The following PLA2G2A variants were observed in gnomAD, a reference collection of about 807,000 sequenced individuals.
The protein encoded by PLA2G2A is phospholipase A2, membrane associated.
Under a neutral mutation model 11.2 loss-of-function variants are expected in PLA2G2A, and 6 were observed. That is an observed-to-expected ratio of 0.54 (90% CI 0.29 to 1.06). The LOEUF (loss-of-function observed/expected upper bound fraction) is 1.06, where lower values mean the gene tolerates loss of function less well. Among genes scored for constraint, PLA2G2A ranks in the 50% least tolerant of loss-of-function variants. PLA2G2A has a pLI of 0.08. For synonymous variants in PLA2G2A, 69 were observed against 65.8 expected, an observed-to-expected ratio of 1.05 and a Z score of -0.23; for missense variants, 133 against 177.1, an observed-to-expected ratio of 0.75 and a Z score of 1.41.
At chr1:19,978,952 C>T (rs551429973) in intron 1 of PLA2G2A, 73 bp from the exon 2 acceptor site, 19 of 655,354 alleles carry the variant, frequency 2.9e-5, no homozygotes, top group South Asian at 2.9e-4. Context: ...TCAGAGCACA[C>T]AAGGAGTGCC....
At chr1:19,979,193 G>A (rs765000894) in intron 1 of PLA2G2A, 1 of 242,084 alleles carries the variant, frequency 4.1e-6, no homozygotes, top group Admixed American at 4.7e-5. Context: ...TGTGTCCCTC[G>A]CTAGACATAG....
chr1:19,977,137 A>G (rs1203142798), intron 4 of PLA2G2A, among the ~76,000 whole-genome samples: 1 of 152,076 alleles, frequency 6.6e-6, no homozygotes, highest in Non-Finnish European at 1.5e-5. Context: ...CTGCATTTGT[A>G]TAGACAGCTG....
upstream of PLA2G2A, chr1:19,979,799 A>T (rs2046276889): frequency 6.6e-6 from 1 of 152,230 alleles, no homozygotes. Context: ...AGGATTGGGA[A>T]ACCTTACGTG....
In PLA2G2A at chr1:19,975,789, G is replaced by A. The variant is rs1464507069; in HGVS notation, c.347C>T (p.Thr116Ile). ...GGTCGTCTTGTTTCTAGCAAAACAG[G>A]TGGCAGCAGCCTTATCACACTCACA... The change falls in exon 5 of 5, where the codon ACC becomes ATC. Residue 116 changes from threonine to isoleucine, a missense_variant. Physicochemically the swap from Thr to Ile is moderately conservative, Grantham distance 89. Transcript: ENST00000482011. The A allele has an allele frequency of 1.9e-6, 3 of 1,613,792 alleles. No individual in the cohort carries two copies. The South Asian group carries it at 3.3e-5, about 18-fold the overall frequency.
At chr1:19,979,311 G>T (rs1259014004) in intron 1 of PLA2G2A, among the ~76,000 whole-genome samples, 1 of 152,094 alleles carries the variant, frequency 6.6e-6, no homozygotes, top group African/African-American at 2.4e-5. Context: ...CTCTCTTCTA[G>T]GCCTTCTAAC....
intron 1 of PLA2G2A, 115 bp from the exon 2 acceptor site, chr1:19,978,994 CA>C: frequency 1.6e-6 from 1 of 622,382 alleles, no homozygotes; most frequent in Admixed American, 2.3e-5. Context: ...CACACACACA[CA>C]CACACAACCA....
At chr1:19,979,035 T>C (rs985278688) in intron 1 of PLA2G2A, 156 bp from the exon 2 acceptor site, 2 of 571,330 alleles carry the variant, frequency 3.5e-6, no homozygotes, top group African/African-American at 3.8e-5. Flanking sequence ...CTCTGCAGAA[T>C]GGTTTCACAC....
intron 4 of PLA2G2A, among the ~76,000 whole-genome samples, chr1:19,976,661 G>A (rs550283178): frequency 7.9e-5 from 12 of 152,276 alleles, no homozygotes; most frequent in Admixed American, 6.5e-5. Context: ...AGGAGTCCAC[G>A]CTTTTTCCAA....
intron 1 of PLA2G2A, among the ~76,000 whole-genome samples, chr1:19,979,321 C>A (rs2046270946): frequency 6.6e-6 from 1 of 152,170 alleles, no homozygotes; most frequent in Non-Finnish European, 1.5e-5. Context: ...GGCCTTCTAA[C>A]CCCTTCCACA....
upstream of PLA2G2A, chr1:19,980,251 CT>C (rs2046281615): frequency 6.6e-6 from 1 of 152,240 alleles, no homozygotes; most frequent in African/African-American, 2.4e-5. Context: ...ATTCTTCTTT[CT>C]TCTTTTCCTC....
chr1:19,978,375 C>T lies in PLA2G2A; in HGVS notation c.185+5G>A. On this transcript the variant is annotated splice_donor_5th_base_variant and intron_variant, in intron 3 of 4. Coordinates refer to ENST00000482011, the Ensembl canonical transcript of PLA2G2A. ...AGGAGGGTAGGGAGGGATAGGTGGC[C>T]TCACCGATCCGTTGCATCCTTGGGG... 1 of 1,611,536 alleles carries T rather than the reference C, an allele frequency of 6.2e-7. No individual in the cohort carries two copies. Among genetic ancestry groups the T allele is most frequent in the Non-Finnish European group, 8.5e-7 (1 of 1,179,374 alleles).
At chr1:19,978,286 C>T in intron 3 of PLA2G2A, 94 bp downstream of exon 3, 2 of 1,482,874 alleles carry the variant, frequency 1.3e-6, no homozygotes, top group Non-Finnish European at 1.9e-6. Flanking sequence ...CATCCTGAGA[C>T]CTCTGCGCCC....
At chr1:19,978,653 A>G in intron 2 of PLA2G2A, 81 bp downstream of exon 2, 17 of 1,595,966 alleles carry the variant, frequency 1.1e-5, no homozygotes, top group Non-Finnish European at 1.4e-5. Flanking sequence ...GATCACTGCA[A>G]TGGGAGAGAA....
chr1:19,978,369 G>C lies in PLA2G2A; in HGVS notation c.185+11C>G. On this transcript the variant is annotated intron_variant, in intron 3 of 4. Transcript: ENST00000482011. ...GAGTCTAGGAGGGTAGGGAGGGATA[G>C]GTGGCCTCACCGATCCGTTGCATCC... 6.2e-7 allele frequency: 1 copy of C among 1,611,160 alleles called. No individual in the cohort carries two copies. The highest frequency in any genetic ancestry group is 8.5e-7 in the Non-Finnish European group (1 of 1,179,246).
In PLA2G2A at chr1:19,978,460, C is replaced by G. The variant is rs2046255857; in HGVS notation, c.105G>C (p.Lys35Asn). 2.5e-6 allele frequency: 4 copies of G among 1,613,966 alleles called. No homozygotes were observed. In the African/African-American group the frequency reaches 5.3e-5, roughly 22 times the overall value. Residue 35 changes from lysine (K) to asparagine (N), a missense_variant, in exon 3 of 5, where the codon AAG becomes AAC. Physicochemically the swap from Lys to Asn is moderately conservative, Grantham distance 94 (BLOSUM62 0). Transcript: ENST00000482011. ...AGAAGCCATAACTGAGTGCGGCTTC[C>G]TTTCCTGTCGTCAACTTGATCATTC...
chr1:19,975,469 C>G (rs1265587860), downstream of PLA2G2A: 3 of 584,660 alleles, frequency 5.1e-6, no homozygotes, highest in Non-Finnish European at 9.2e-6. Context: ...AAGAGACCCC[C>G]CGGAGTACAG....
intron 4 of PLA2G2A, among the ~76,000 whole-genome samples, chr1:19,977,453 C>G (rs1436235759): frequency 6.6e-6 from 1 of 152,202 alleles, no homozygotes; most frequent in Non-Finnish European, 1.5e-5. Flanking sequence ...TTCTCTGCCC[C>G]CCTTCCACTT....
At chr1:19,977,473 G>A (rs546100001) in intron 4 of PLA2G2A, among the ~76,000 whole-genome samples, 2 of 152,084 alleles carry the variant, frequency 1.3e-5, no homozygotes, top group East Asian at 1.9e-4. Context: ...TGTCTCCATC[G>A]ACCCTGTCCC....
chr1:19,975,602 T>C, downstream of PLA2G2A: 2 of 1,115,454 alleles, frequency 1.8e-6, no homozygotes, highest in Admixed American at 3.4e-5. Flanking sequence ...GGGTGAGGGA[T>C]GCTTTCTGCA....
Sources: gnomAD v4.1 joint callset for allele counts (sites outside exome capture counted in the v4.1 genomes callset) on GRCh38, gnomAD v4.1.1 for gene constraint, MANE v1.5 for transcripts, NCBI Gene and HGNC (gene_info 2026-07-23, HGNC 2026-07-21) for gene names.